The following NUB1 variants were observed in gnomAD, a reference collection of about 807,000 sequenced individuals.
The protein encoded by NUB1 is negative regulator of ubiquitin like proteins 1.
A neutral mutation model predicts 77.1 loss-of-function variants in NUB1; 41 were observed. The observed-to-expected ratio is 0.53, with a 90% confidence interval of 0.41 to 0.69. The LOEUF is 0.69. NUB1 is among the 30% of genes least tolerant of loss of function. The pLI, the probability that NUB1 is intolerant of heterozygous loss-of-function variation, is 0.00. For synonymous variants in NUB1, 257 were observed against 281.0 expected, an observed-to-expected ratio of 0.91 and a Z score of 0.85; for missense variants, 643 against 743.8, an observed-to-expected ratio of 0.86 and a Z score of 1.58.
intron 2 of NUB1, 84 bp downstream of exon 2, chr7:151,345,550 T>C: frequency 1.3e-6 from 1 of 778,588 alleles, no homozygotes; most frequent in South Asian, 1.9e-5. Context: ...GGCATGACCA[T>C]ATAAACTTTT....
intron 1 of NUB1, among the ~76,000 whole-genome samples, chr7:151,344,786 G>C (rs1257290090): frequency 1.3e-5 from 2 of 152,134 alleles, no homozygotes; most frequent in Non-Finnish European, 2.9e-5. Flanking sequence ...GATCACTTGA[G>C]GTCAGGAATT....
In NUB1 at chr7:151,375,948, G is replaced by A. The variant is rs1798202096; in HGVS notation, c.1491+5G>A. ...TCCCAGGAAAACATTGACCGAGTGA[G>A]TGACAGGCCTTTGTGCCCTCAGCTT... On this transcript the variant is annotated splice_donor_5th_base_variant and intron_variant, in intron 13 of 14. Coordinates refer to ENST00000568733, the MANE Select transcript of NUB1 (RefSeq NM_001243351.2). The A allele has an allele frequency of 8.1e-6, 13 of 1,595,350 alleles. No homozygotes were observed. The highest frequency in any genetic ancestry group is 1.1e-5 in the Non-Finnish European group (13 of 1,163,074).
Position 151,348,958 on chromosome 7 carries a change from A to G in NUB1, c.118-115A>G. 3.5e-6 allele frequency: 3 copies of G among 860,114 alleles called. No individual in the cohort carries two copies. In the South Asian group the frequency reaches 4.5e-5, roughly 13 times the overall value. The allele number at this position is 860,114 out of a possible 1,614,324, so 53.3% of individuals were successfully genotyped here. A position where few individuals can be genotyped will look rare whatever the true frequency, so the allele number is the denominator to read the frequency against. On this transcript the variant is annotated intron_variant, in intron 2 of 14. Transcript: ENST00000568733. The stretch of plus-strand genomic sequence containing the variant: ...CAAACCACAGTGTGGACTGCAGTGT[A>G]ACGGGGCGACCTCCACTCATCAGAG...
chr7:151,360,277 G>A lies in NUB1; in HGVS notation c.800+30G>A, dbSNP rs147080634. On this transcript the variant is annotated intron_variant, in intron 8 of 14. Coordinates refer to ENST00000568733, the MANE Select transcript of NUB1 (RefSeq NM_001243351.2). ...GCGCTTTTGTACTTGGTGAACACCAGCTTTAAGGAAGATGGCCCAGACTAT... is the reference window on the plus strand; with the variant it reads ...GCGCTTTTGTACTTGGTGAACACCAACTTTAAGGAAGATGGCCCAGACTAT... 2.4e-6 allele frequency: 3 copies of A among 1,257,116 alleles called. No individual in the cohort carries two copies. In the African/African-American group the frequency reaches 4.4e-5, roughly 18 times the overall value. The allele number at this position is 1,257,116 out of a possible 1,614,324, so 77.9% of individuals were successfully genotyped here.
intron 7 of NUB1, among the ~76,000 whole-genome samples, chr7:151,357,906 G>A (rs376407507): frequency 3.9e-5 from 6 of 152,132 alleles, no homozygotes; most frequent in East Asian, 3.9e-4. Context: ...CACTGCGCCC[G>A]GCCGGATTAA....
At chr7:151,370,882 T>G (rs1002467063) in intron 11 of NUB1, among the ~76,000 whole-genome samples, 3 of 152,254 alleles carry the variant, frequency 2.0e-5, no homozygotes, top group African/African-American at 7.2e-5. Flanking sequence ...ATGAGATCAT[T>G]TGGAAAACAG....
At chr7:151,368,628 C>A (rs998456448) in intron 10 of NUB1, 107 bp from the exon 11 acceptor site, 10 of 1,274,268 alleles carry the variant, frequency 7.8e-6, no homozygotes, top group Non-Finnish European at 9.6e-6. Flanking sequence ...AAATCTGATG[C>A]CTTTTAATTC....
In NUB1 at chr7:151,376,576, C is replaced by T. The variant is rs57382814; in HGVS notation, c.1492-58C>T. Reference sequence around the variant, plus strand: ...GTCGGCTGTCCACTCGTATGGCTGACGGGGGTGGCAGAAGAGGCGCCAGGG... The same window carrying T: ...GTCGGCTGTCCACTCGTATGGCTGATGGGGGTGGCAGAAGAGGCGCCAGGG... On this transcript the variant is annotated intron_variant, in intron 13 of 14. Coordinates refer to ENST00000568733, the MANE Select transcript of NUB1 (RefSeq NM_001243351.2). The T allele has an allele frequency of 9.3e-4, 1,393 of 1,490,352 alleles. 39 individuals are homozygous for T. In the East Asian group the frequency reaches 0.027, roughly 29 times the overall value. 92.3% of individuals were successfully genotyped at this position (1,490,352 alleles called of 1,614,324 possible).
intron 1 of NUB1, among the ~76,000 whole-genome samples, chr7:151,343,458 T>C (rs763676621): frequency 1.2e-4 from 18 of 152,236 alleles, no homozygotes; most frequent in Non-Finnish European, 2.2e-4. Flanking sequence ...TGGCCCTCAA[T>C]AGAAGAAAGA....
At chr7:151,351,692 A>G (rs752084197) in intron 4 of NUB1, among the ~76,000 whole-genome samples, 2 of 152,118 alleles carry the variant, frequency 1.3e-5, no homozygotes, top group African/African-American at 2.4e-5. Context: ...TGCAAGCACT[A>G]TTTCCTGGTG....
At chr7:151,356,021 T>TC in intron 6 of NUB1, 71 bp downstream of exon 6, 1 of 1,566,436 alleles carries the variant, frequency 6.4e-7, no homozygotes, top group Non-Finnish European at 8.8e-7. Context: ...AGTTGGGGGA[T>TC]CATGGCTCTC....
At chr7:151,348,483 T>TAGA (rs1320523712) in intron 2 of NUB1, among the ~76,000 whole-genome samples, 1 of 151,698 alleles carries the variant, frequency 6.6e-6, no homozygotes, top group Non-Finnish European at 1.5e-5. Context: ...TTCTTCTCCT[T>TAGA]AGAAGATTCT....
intron 1 of NUB1, among the ~76,000 whole-genome samples, chr7:151,343,625 C>T (rs554129255): frequency 2.6e-5 from 4 of 152,116 alleles, no homozygotes; most frequent in Non-Finnish European, 5.9e-5. Context: ...ACATCTCAGC[C>T]GCCTCACTCA....
intron 2 of NUB1, among the ~76,000 whole-genome samples, chr7:151,347,213 A>G (rs1584934779): frequency 6.6e-6 from 1 of 152,316 alleles, no homozygotes; most frequent in Non-Finnish European, 1.5e-5. Flanking sequence ...TAACATAGGT[A>G]TATTCTTCCT....
At chr7:151,370,892 G>A (rs140841499) in intron 11 of NUB1, among the ~76,000 whole-genome samples, 22 of 152,254 alleles carry the variant, frequency 1.4e-4, no homozygotes, top group Non-Finnish European at 2.8e-4. Context: ...TTGGAAAACA[G>A]TTCTCATCAC....
chr7:151,370,097 CTT>C (rs574995266), intron 11 of NUB1, among the ~76,000 whole-genome samples: 21 of 143,952 alleles, frequency 1.5e-4, no homozygotes, highest in African/African-American at 3.0e-4. Flanking sequence ...AAGCTGAGTT[CTT>C]TTTTTTTTTT....
Position 151,367,886 on chromosome 7 carries a change from T to C in NUB1, c.1013T>C (p.Leu338Pro). Residue 338 changes from leucine to proline, a missense_variant, in exon 10 of 15, where the codon CTG becomes CCG. Leu to Pro is a moderately conservative substitution (Grantham distance 98). Transcript: ENST00000568733. ...IKGNCGKEKV[L>P]FLRLYLLQGI... ...GGAAATTGTGGGAAAGAGAAGGTAC[T>C]GTTTCTAAGACTCTACTTACTTCAA... is the stretch of plus-strand genomic sequence containing the variant. 8.1e-6 allele frequency: 13 copies of C among 1,599,602 alleles called. No homozygotes were observed. Among genetic ancestry groups the C allele is most frequent in the Non-Finnish European group, 1.1e-5 (13 of 1,171,948 alleles).
chr7:151,376,833 G>GC, intron 14 of NUB1, 22 bp downstream of exon 14: 1 of 1,556,206 alleles, frequency 6.4e-7, no homozygotes, highest in Non-Finnish European at 8.7e-7. Flanking sequence ...GTCTTTGAGG[G>GC]CCGCATTGAG....
At chr7:151,374,444 GC>G in intron 12 of NUB1, 1 of 679,442 alleles carries the variant, frequency 1.5e-6, no homozygotes, top group Non-Finnish European at 2.5e-6. Flanking sequence ...TCAGTGCTTG[GC>G]CCAGGCCTGG....
Sources: allele counts gnomAD v4.1 joint callset (sites outside exome capture counted in the v4.1 genomes callset), GRCh38; gene constraint gnomAD v4.1.1; transcripts MANE v1.5; gene names NCBI Gene and HGNC (gene_info 2026-07-23, HGNC 2026-07-21).